Variants in RRP12 observed in about 807,000 individuals in gnomAD.
RRP12 encodes the protein RRP12-like protein.
A neutral mutation model predicts 157.3 loss-of-function variants in RRP12; 78 were observed. The ratio of observed to expected loss-of-function variants is 0.50; its 90% confidence interval spans 0.41 to 0.60. The LOEUF is 0.60. RRP12 is among the 20% of genes least tolerant of loss of function. RRP12 has a pLI of 0.00. For synonymous variants in RRP12, 726 were observed against 670.9 expected, an observed-to-expected ratio of 1.08 and a Z score of -1.27; for missense variants, 1,521 against 1,679.9, an observed-to-expected ratio of 0.91 and a Z score of 1.65.
chr10:97,385,181 T>G lies in RRP12; in HGVS notation c.1193A>C (p.His398Pro). The G allele has an allele frequency of 1.2e-6, 2 of 1,613,628 alleles. No individual in the cohort carries two copies. The highest frequency in any genetic ancestry group is 1.7e-6 in the Non-Finnish European group (2 of 1,179,554). The change falls in exon 10 of 34, where the codon CAC (histidine) becomes CCC (proline). Residue 398 changes from histidine to proline, a missense_variant. Transcript: ENST00000370992. ...TCATCCGTACCTCACCAGGTTGATG[T>G]GGGCTTTCTCCATGACCTTAAGCCA... The part of the protein sequence containing the change: ...LAWLKVMEKA[H>P]INLVRLQWDL...
intron 6 of RRP12, 63 bp downstream of exon 6, chr10:97,390,360 G>T: frequency 1.6e-6 from 2 of 1,276,050 alleles, no homozygotes; most frequent in Non-Finnish European, 2.3e-6. Context: ...CCAAGTCTGG[G>T]CTGCACTGGG....
At chr10:97,375,884 A>G (rs1844291415) in intron 15 of RRP12, among the ~76,000 whole-genome samples, 2 of 152,212 alleles carry the variant, frequency 1.3e-5, no homozygotes, top group African/African-American at 4.8e-5. Context: ...CGGGTGGATC[A>G]CTTGAGGTCA....
chr10:97,375,599 A>G (rs950381016), intron 15 of RRP12, among the ~76,000 whole-genome samples: 1 of 152,228 alleles, frequency 6.6e-6, no homozygotes, highest in Non-Finnish European at 1.5e-5. Context: ...AATACATAAC[A>G]TCAGCCTTAA....
intron 10 of RRP12, among the ~76,000 whole-genome samples, chr10:97,384,369 C>CCA (rs1844556255): frequency 7.4e-6 from 1 of 135,356 alleles, no homozygotes; most frequent in African/African-American, 2.8e-5. Context: ...GAGGACCCCC[C>CCA]ACCTTGGCAG....
intron 10 of RRP12, 86 bp downstream of exon 10, chr10:97,385,080 C>G: frequency 4.5e-6 from 2 of 441,582 alleles, no homozygotes; most frequent in Non-Finnish European, 6.6e-6. Flanking sequence ...GAGGACCCCC[C>G]ACCTCGGCAG....
In RRP12 at chr10:97,367,092, T is replaced by C. The variant is rs769510817; in HGVS notation, c.2996A>G (p.His999Arg). 2.5e-6 allele frequency: 4 copies of C among 1,614,080 alleles called. No individual in the cohort carries two copies. The African/African-American group carries it at 5.3e-5, about 22-fold the overall frequency. Residue 999 changes from histidine (H) to arginine (R), a missense_variant, in exon 26 of 34, where the codon CAC becomes CGC. Coordinates refer to ENST00000370992, the MANE Select transcript of RRP12 (RefSeq NM_015179.4). ...IGKLSDDMRR[H>R]FRMKLRNLFT... ...CAGGTTCCGAAGCTTCATGCGGAAG[T>C]GCCGCCGCATGTCATCTGAAAGCTT...
intron 23 of RRP12, 86 bp downstream of exon 23, chr10:97,370,369 C>A: frequency 1.5e-6 from 2 of 1,360,870 alleles, no homozygotes; most frequent in South Asian, 1.3e-5. Flanking sequence ...GGCCAGGGCA[C>A]AGAGCTCTCC....
Position 97,363,840 on chromosome 10 carries a change from C to A in RRP12, c.3567+14G>T. On this transcript the variant is annotated intron_variant, in intron 30 of 33. Transcript: ENST00000370992. ...GTCTGAAGCCCTAGCCCCCCATCTG[C>A]AGGAACTACTCACATTCCTGATGAT... 6.2e-7 allele frequency: 1 copy of A among 1,612,222 alleles called. No individual in the cohort carries two copies. The highest frequency in any genetic ancestry group is 8.5e-7 in the Non-Finnish European group (1 of 1,178,236).
At chr10:97,379,206 G>A in intron 15 of RRP12, 87 bp downstream of exon 15, 1 of 1,472,124 alleles carries the variant, frequency 6.8e-7, no homozygotes, top group Non-Finnish European at 9.4e-7. Flanking sequence ...TGGGTGTGTG[G>A]GACTCAGCAC....
Position 97,357,024 on chromosome 10 carries a change from G to C in RRP12, c.*70C>G, listed in dbSNP as rs1428593361. On this transcript the variant is annotated 3_prime_UTR_variant, in exon 34 of 34. Transcript: ENST00000370992. ...GCCAGAATCTTGAGCACCTGGAGCTGGTGGCAAGGCAGCCTGGGGGCTGAA... is the reference window on the plus strand; with the variant it reads ...GCCAGAATCTTGAGCACCTGGAGCTCGTGGCAAGGCAGCCTGGGGGCTGAA... The C allele has an allele frequency of 4.7e-6, 4 of 846,258 alleles. No individual in the cohort carries two copies. In the East Asian group the frequency reaches 7.6e-5, roughly 16 times the overall value. The allele number at this position is 846,258 out of a possible 1,614,324, so 52.4% of individuals were successfully genotyped here.
At position 97,381,813 on chromosome 10, in the gene RRP12, G is replaced by T. The variant is rs770960791; in HGVS notation, c.1222C>A (p.Leu408Met). Residue 408 changes from leucine to methionine, a missense_variant, in exon 11 of 34, where the codon CTG (leucine) becomes ATG (methionine). Leu to Met is a conservative substitution (Grantham distance 15). Coordinates refer to ENST00000370992, the MANE Select transcript of RRP12 (RefSeq NM_015179.4). ...HINLVRLQWDLGLGHLPRFFG... is the reference protein window; with the variant it reads ...HINLVRLQWDMGLGHLPRFFG... Reference sequence around the variant, plus strand: ...AAGCGAGGGAGGTGGCCTAGCCCCAGGTCCCACTGCAACCTGTCAAGACAA... The same window carrying T: ...AAGCGAGGGAGGTGGCCTAGCCCCATGTCCCACTGCAACCTGTCAAGACAA... 3 of 1,613,868 alleles carry T rather than the reference G, an allele frequency of 1.9e-6. No homozygotes were observed. The highest frequency in any genetic ancestry group is 2.5e-6 in the Non-Finnish European group (3 of 1,179,748).
At chr10:97,395,023 AT>A (rs1844916153) in intron 3 of RRP12, among the ~76,000 whole-genome samples, 1 of 151,860 alleles carries the variant, frequency 6.6e-6, no homozygotes, top group Non-Finnish European at 1.5e-5. Context: ...GGCGCCTGTA[AT>A]TCCAACTACT....
At chr10:97,379,861 G>A in intron 13 of RRP12, 91 bp from the exon 14 acceptor site, 8 of 1,344,500 alleles carry the variant, frequency 6.0e-6, no homozygotes, top group Non-Finnish European at 8.0e-6. Flanking sequence ...CTGGAATTCT[G>A]GGCCTGGGTT....
In RRP12 at chr10:97,390,513, C is replaced by A; in HGVS notation, c.663G>T (p.Leu221=). 1 of 1,613,944 alleles carries A rather than the reference C, an allele frequency of 6.2e-7. No individual in the cohort carries two copies. Among genetic ancestry groups the A allele is most frequent in the Non-Finnish European group, 8.5e-7 (1 of 1,179,906 alleles). ...RWVLSCLATL[L]RKQDLEAWGY... The stretch of plus-strand genomic sequence containing the variant: ...CCCAGGCCTCCAGGTCTTGCTTCCG[C>A]AGAAGGGTGGCCAGGCAGGAAAGGA... Residue 221 remains leucine, a synonymous_variant, in exon 6 of 34, where the codon CTG becomes CTT. Transcript: ENST00000370992.
chr10:97,366,287 C>A, intron 28 of RRP12, 54 bp from the exon 29 acceptor site: 6 of 1,597,928 alleles, frequency 3.8e-6, no homozygotes, highest in Non-Finnish European at 5.1e-6. Context: ...ATGCTACTCA[C>A]CCTCATCATG....
rs1308358211 is a variant in RRP12 at position 97,360,533 on chromosome 10, G to A, written c.3640+13C>T. 1.2e-5 allele frequency: 19 copies of A among 1,602,906 alleles called. No homozygotes were observed. The South Asian group carries it at 1.9e-4, about 16-fold the overall frequency. ...GATCCATGTGTCCCAGGAGAGAGGA[G>A]TGGAAGCCTCACCTTGGTACTGAGG... On this transcript the variant is annotated intron_variant, in intron 31 of 33. Transcript: ENST00000370992.
chr10:97,380,179 T>G (rs964362201), intron 13 of RRP12, among the ~76,000 whole-genome samples: 6 of 152,186 alleles, frequency 3.9e-5, no homozygotes, highest in Non-Finnish European at 7.3e-5. Context: ...AAAGCCAAAC[T>G]GGTCAACCTA....
At chr10:97,388,745 T>A in intron 6 of RRP12, 121 bp from the exon 7 acceptor site, 1 of 1,221,224 alleles carries the variant, frequency 8.2e-7, no homozygotes. Flanking sequence ...ATGATCTGAC[T>A]ACTATAGATC....
At chr10:97,399,459 A>G (rs1292202814) in intron 2 of RRP12, among the ~76,000 whole-genome samples, 1 of 152,164 alleles carries the variant, frequency 6.6e-6, no homozygotes, top group African/African-American at 2.4e-5. Context: ...GGGATCTACC[A>G]TCACATTATA....
Sources: gnomAD v4.1 joint callset for allele counts (sites outside exome capture counted in the v4.1 genomes callset) on GRCh38, gnomAD v4.1.1 for gene constraint, MANE v1.5 for transcripts, NCBI Gene and HGNC (gene_info 2026-07-23, HGNC 2026-07-21) for gene names.